The following NLGN1 variants were observed in gnomAD, a reference collection of about 807,000 sequenced individuals.
The protein encoded by NLGN1 is neuroligin 1, also known as neuroligin-1.
A neutral mutation model predicts 65.5 loss-of-function variants in NLGN1; 12 were observed. The observed-to-expected ratio is 0.18, with a 90% CI of 0.12 to 0.30. NLGN1 has a LOEUF of 0.30. Among genes scored for constraint, NLGN1 ranks in the 10% least tolerant of loss-of-function variants. The pLI, the probability that NLGN1 is intolerant of heterozygous loss-of-function variation, is 1.00. For synonymous variants in NLGN1, 350 were observed against 359.5 expected, an observed-to-expected ratio of 0.97 and a Z score of 0.30; for missense variants, 750 against 1,007.1, an observed-to-expected ratio of 0.74 and a Z score of 3.46.
intron 4 of NLGN1, among the ~76,000 whole-genome samples, chr3:174,090,571 C>G (rs938169284): frequency 6.6e-6 from 1 of 152,072 alleles, no homozygotes; most frequent in African/African-American, 2.4e-5. Flanking sequence ...AATGCTTGGA[C>G]AAGTTCATAC....
chr3:173,724,376 A>G (rs533878172), intron 3 of NLGN1: 7 of 157,600 alleles, frequency 4.4e-5, no homozygotes, highest in African/African-American at 9.6e-5. Flanking sequence ...CCTGGGTTCA[A>G]GTGATTCTCC....
At position 174,280,635 on chromosome 3, in the gene NLGN1, A is replaced by C; in HGVS notation, c.1804A>C (p.Lys602Gln). 6.2e-7 allele frequency: 1 copy of C among 1,613,340 alleles called. No individual in the cohort carries two copies. The highest frequency in any genetic ancestry group is 8.5e-7 in the Non-Finnish European group (1 of 1,179,542). ...AGTTAAAGAACATTACAGAGCCAAT[A>C]AGGTGAACCTCTGGTTGGAGTTGGT... Residue 602 changes from lysine (K) to glutamine (Q), a missense_variant, in exon 7 of 7, where the codon AAG (lysine) becomes CAG (glutamine). Physicochemically the swap from Lys to Gln is moderately conservative, Grantham distance 53. Coordinates refer to ENST00000457714, the Ensembl canonical transcript of NLGN1. The surrounding 1 kb of genome is among the most constrained non-coding windows in gnomAD (Gnocchi z 4.9).
chr3:173,489,447 G>T (rs1208865208), intron 2 of NLGN1, among the ~76,000 whole-genome samples: 1 of 152,142 alleles, frequency 6.6e-6, no homozygotes, highest in Non-Finnish European at 1.5e-5. Flanking sequence ...GTATTCCATG[G>T]TGTATATGTG....
At position 174,133,604 on chromosome 3, in the gene NLGN1, C is replaced by T. The variant is rs184683664; in HGVS notation, c.647-141711C>T. ...AAAGAGGCTTTGACAATCCGAGTTA[C>T]GCAAATAGTACAAGGTAGGTCAGAG... On this transcript the variant is annotated intron_variant, in intron 4 of 6. Transcript: ENST00000457714. Among the ~76,000 whole-genome samples, 6 of 152,148 alleles carry T rather than the reference C, an allele frequency of 3.9e-5. No homozygotes were observed. The East Asian group carries it at 5.8e-4, about 15-fold the overall frequency.
In NLGN1 at chr3:173,666,613, C is replaced by T. The variant is rs117733090; in HGVS notation, c.493+61522C>T. Among the ~76,000 whole-genome samples, 1,083 of 152,210 alleles carry T rather than the reference C, an allele frequency of 7.1e-3. 34 individuals carry two copies. The highest frequency in any genetic ancestry group is 0.038 in the East Asian group (197 of 5,164). ...TGGATCAACCATTCCCTAACAGGGA[C>T]TCTCTTGGTGATGCTCCTTCTTTGA... On this transcript the variant is annotated intron_variant, in intron 3 of 6. Transcript: ENST00000457714.
intron 4 of NLGN1, among the ~76,000 whole-genome samples, chr3:174,126,781 T>G (rs1352049959): frequency 6.6e-6 from 1 of 152,140 alleles, no homozygotes; most frequent in South Asian, 2.1e-4. Flanking sequence ...GCCTTTTCCA[T>G]GTACCTAATC....
intron 4 of NLGN1, among the ~76,000 whole-genome samples, chr3:174,049,270 A>G (rs560429131): frequency 1.3e-5 from 2 of 152,006 alleles, no homozygotes; most frequent in Non-Finnish European, 2.9e-5. Flanking sequence ...GTTGAGACTC[A>G]ATAATTCTAG....
chr3:173,466,575 G>A lies in NLGN1; in HGVS notation c.-321+31497G>A, dbSNP rs137897900. Among the ~76,000 whole-genome samples, 179 of 152,124 alleles carry A rather than the reference G, an allele frequency of 1.2e-3. 1 individual carries two copies. The highest frequency in any genetic ancestry group is 4.1e-3 in the African/African-American group (172 of 41,490). On this transcript the variant is annotated intron_variant, in intron 2 of 6. Transcript: ENST00000457714. ...GGTGTATTAACATGCTTCTACCTTC[G>A]TTTTATTCATATGTAAAATAGGAAA...
At position 173,715,172 on chromosome 3, in the gene NLGN1, G is replaced by A. The variant is rs146744836; in HGVS notation, c.494-92508G>A. Among the ~76,000 whole-genome samples, 12 of 152,214 alleles carry A rather than the reference G, an allele frequency of 7.9e-5. No homozygotes were observed. In the East Asian group the frequency reaches 2.3e-3, roughly 29 times the overall value. ...AATGTTTTTTCACTTCTTAAAATGG[G>A]ATTACAGGTCTTGGCTTAAATGATT... On this transcript the variant is annotated intron_variant, in intron 3 of 6. Transcript: ENST00000457714.
chr3:173,948,806 G>A (rs191358473), intron 4 of NLGN1, among the ~76,000 whole-genome samples: 29 of 152,106 alleles, frequency 1.9e-4, no homozygotes, highest in Admixed American at 3.3e-4. Flanking sequence ...TTTTATTTTC[G>A]AATGATTCCA....
At chr3:173,968,712 T>TTTTTTTTTTTTTTTTTTTTTTTTTTTC (rs1715451463) in intron 4 of NLGN1, among the ~76,000 whole-genome samples, 1 of 142,028 alleles carries the variant, frequency 7.0e-6, no homozygotes, top group African/African-American at 2.6e-5. Context: ...TTTTTTTTTT[T>TTTTTTTTTTTTTTTTTTTTTTTTTTTC]TTTTGAGATG....
intron 4 of NLGN1, among the ~76,000 whole-genome samples, chr3:173,920,327 G>A (rs1741736985): frequency 1.3e-5 from 2 of 152,068 alleles, no homozygotes; most frequent in African/African-American, 2.4e-5. Context: ...AAATGTAAAC[G>A]TTATATTGCC....
At chr3:173,940,076 A>G (rs1745748655) in intron 4 of NLGN1, among the ~76,000 whole-genome samples, 1 of 100,196 alleles carries the variant, frequency 1.0e-5, no homozygotes, top group Non-Finnish European at 2.1e-5. Flanking sequence ...TCAAATAGTT[A>G]TAGCTTTTTT....
chr3:173,521,910 A>G (rs1577085126), intron 2 of NLGN1, among the ~76,000 whole-genome samples: 1 of 152,324 alleles, frequency 6.6e-6, no homozygotes, highest in African/African-American at 2.4e-5. Flanking sequence ...CTTGTTTTTC[A>G]ATACATTCTA....
At chr3:173,435,180 A>G (rs999856757) in intron 2 of NLGN1, 1 of 152,508 alleles carries the variant, frequency 6.6e-6, no homozygotes, top group African/African-American at 2.4e-5. Flanking sequence ...CTGACCATCC[A>G]CCATAGTCAT....
intron 3 of NLGN1, among the ~76,000 whole-genome samples, chr3:173,700,910 G>C (rs1447636148): frequency 6.6e-6 from 1 of 152,160 alleles, no homozygotes; most frequent in Non-Finnish European, 1.5e-5. Context: ...CGGATCACAA[G>C]GTCAGGAGAT....
chr3:173,870,072 G>A lies in NLGN1; in HGVS notation c.646+62240G>A, dbSNP rs78274188. 8.2e-3 allele frequency among the ~76,000 whole-genome samples: 1,243 copies of A among 152,236 alleles called. 23 individuals are homozygous for A. The highest frequency in any genetic ancestry group is 0.025 in the African/African-American group (1,051 of 41,540). ...GCATTTCAGTGTGTGAAGTATGCTA[G>A]ATTATCAGAAAGTATATTTAGAGAA... On this transcript the variant is annotated intron_variant, in intron 4 of 6. Transcript: ENST00000457714.
At chr3:174,248,617 T>G (rs1744224895) in intron 4 of NLGN1, among the ~76,000 whole-genome samples, 1 of 151,986 alleles carries the variant, frequency 6.6e-6, no homozygotes, top group South Asian at 2.1e-4. Flanking sequence ...AAAAATTAGC[T>G]GGGTGTGGTG....
Position 173,754,104 on chromosome 3 carries a change from T to C in NLGN1, c.494-53576T>C, listed in dbSNP as rs554965278. Among the ~76,000 whole-genome samples the C allele has an allele frequency of 2.0e-5, 3 of 150,038 alleles. No homozygotes were observed. In the South Asian group the frequency reaches 6.3e-4, roughly 32 times the overall value. On this transcript the variant is annotated intron_variant, in intron 3 of 6. Coordinates refer to ENST00000457714, the Ensembl canonical transcript of NLGN1. Reference sequence around the variant, plus strand: ...TGTCACCCAGAGCGGGGTAGTGCAGTGGCATGATCACAGCTCTTTGTAACC... The same window carrying C: ...TGTCACCCAGAGCGGGGTAGTGCAGCGGCATGATCACAGCTCTTTGTAACC...
Sources: gnomAD v4.1 joint callset for allele counts (sites outside exome capture counted in the v4.1 genomes callset) on GRCh38, gnomAD v4.1.1 for gene constraint, Gnocchi (gnomAD v3.1) non-coding constraint, MANE v1.5 for transcripts, NCBI Gene and HGNC (gene_info 2026-07-23, HGNC 2026-07-21) for gene names.